MAGT1: variants seen among roughly 807,000 people sequenced by gnomAD.
The protein encoded by MAGT1 is dolichyl-diphosphooligosaccharide--protein glycosyltransferase subunit MAGT1.
In MAGT1, 4 loss-of-function variants were observed where a neutral mutation model predicts 28.4. That is an observed-to-expected ratio of 0.14 (90% CI 0.07 to 0.32). The LOEUF is 0.32. MAGT1 is among the 10% of genes least tolerant of loss of function. The pLI is 1.00. For synonymous variants in MAGT1, 89 were observed against 89.7 expected (o/e 0.99, Z 0.04); for missense variants, 193 against 264.5 (o/e 0.73, Z 1.88).
chrX:77,895,218 G>C, intron 1 of MAGT1, 91 bp downstream of exon 1: 2 of 994,043 alleles, frequency 2.0e-6, no homozygotes, highest in Non-Finnish European at 2.8e-6. Context: ...GCATAGAAGC[G>C]GCAGGGAAAG....
chrX:77,847,500 G>A (rs1557215113), intron 7 of MAGT1, among the ~76,000 whole-genome samples: 1 of 112,132 alleles, frequency 8.9e-6, no homozygotes. Flanking sequence ...TGGAAATGCA[G>A]AAATCACCCG....
At chrX:77,841,654 A>AAACAC (rs1332224851) in intron 7 of MAGT1, among the ~76,000 whole-genome samples, 2 of 109,488 alleles carry the variant, frequency 1.8e-5, no homozygotes, top group African/African-American at 3.3e-5. Flanking sequence ...CCCTGACCTC[A>AAACAC]AACACATTTA....
At chrX:77,867,795 C>A (rs2077011367) in intron 3 of MAGT1, among the ~76,000 whole-genome samples, 1 of 67,168 alleles carries the variant, frequency 1.5e-5, no homozygotes, top group African/African-American at 3.5e-5. Context: ...AGATCCTTCC[C>A]AGCTTTTGAA....
At chrX:77,871,234 G>A (rs1317111794) in intron 2 of MAGT1, among the ~76,000 whole-genome samples, 2 of 112,170 alleles carry the variant, frequency 1.8e-5, no homozygotes, top group African/African-American at 6.5e-5. Context: ...ATAGCTAATC[G>A]CCTCTACAAT....
intron 1 of MAGT1, among the ~76,000 whole-genome samples, chrX:77,886,431 G>A (rs887916438): frequency 1.8e-5 from 2 of 109,608 alleles, no homozygotes; most frequent in South Asian, 7.9e-4. Flanking sequence ...GTTCAAGACC[G>A]GCCTGGGCAA....
intron 8 of MAGT1, among the ~76,000 whole-genome samples, chrX:77,832,170 A>G (rs782575919): frequency 3.7e-4 from 41 of 111,916 alleles, no homozygotes; most frequent in African/African-American, 1.3e-3. Flanking sequence ...GTGAACTACA[A>G]ATACTAATCC....
rs1031904635 is a variant in MAGT1, at chrX:77,862,932, C to T, written c.391-5435G>A. The stretch of plus-strand genomic sequence containing the variant: ...CTATAATCCCAACACTTTGGGAGGC[C>T]GAGGCGGGTGGATCACCTGAGGTCA... On this transcript the variant is annotated intron_variant, in intron 3 of 9. Coordinates refer to ENST00000618282, the MANE Select transcript of MAGT1 (RefSeq NM_001367916.1). Among the ~76,000 whole-genome samples the T allele has an allele frequency of 3.6e-5, 4 of 110,925 alleles. No individual in the cohort carries two copies. In the East Asian group the frequency reaches 8.5e-4, roughly 23 times the overall value.
chrX:77,850,197 C>T (rs1421246593), intron 7 of MAGT1, among the ~76,000 whole-genome samples: 1 of 110,476 alleles, frequency 9.1e-6, no homozygotes, highest in Non-Finnish European at 1.9e-5. Context: ...AAGTGGGGGC[C>T]GGGTGAGGTG....
chrX:77,847,155 G>A (rs1002324503), intron 7 of MAGT1, among the ~76,000 whole-genome samples: 2 of 112,239 alleles, frequency 1.8e-5, no homozygotes, highest in Non-Finnish European at 3.8e-5. Flanking sequence ...CCCCAGCCTC[G>A]CTGCCGCCCT....
intron 8 of MAGT1, among the ~76,000 whole-genome samples, chrX:77,836,543 A>C (rs184946906): frequency 8.9e-6 from 1 of 112,225 alleles, no homozygotes; most frequent in Non-Finnish European, 1.9e-5. Context: ...AATTAAAAAT[A>C]AAATACTTTT....
intron 1 of MAGT1, among the ~76,000 whole-genome samples, chrX:77,876,163 T>G (rs1286889842): frequency 2.6e-4 from 6 of 23,525 alleles, no homozygotes; most frequent in Non-Finnish European, 4.1e-4. Context: ...TATATATATA[T>G]ATTTTTTTTT....
chrX:77,877,490 C>CA (rs1236196929), intron 1 of MAGT1, among the ~76,000 whole-genome samples: 93 of 94,221 alleles, frequency 9.9e-4, no homozygotes, highest in Middle Eastern at 6.0e-3. Context: ...GACACTGTCT[C>CA]AAAAAAAAAA....
intron 1 of MAGT1, among the ~76,000 whole-genome samples, chrX:77,893,637 T>C (rs1353251771): frequency 1.8e-5 from 2 of 112,457 alleles, no homozygotes; most frequent in African/African-American, 6.5e-5. Context: ...GGCTCACACC[T>C]GTAATCCCAA....
rs1360849294 is a variant in MAGT1, at chrX:77,838,131, T to C, written c.901+3115A>G. ...ATTGTTAGATTCTCTCTGCAACAGA[T>C]AACAATGTGTGAATATTCTAATATA... On this transcript the variant is annotated intron_variant, in intron 8 of 9. Transcript: ENST00000618282. Among the ~76,000 whole-genome samples the C allele has an allele frequency of 2.7e-5, 3 of 111,895 alleles. No individual in the cohort carries two copies. The Admixed American group carries it at 2.9e-4, about 11-fold the overall frequency.
chrX:77,894,251 T>C (rs1231684987), intron 1 of MAGT1, among the ~76,000 whole-genome samples: 1 of 112,292 alleles, frequency 8.9e-6, no homozygotes, highest in African/African-American at 3.2e-5. Flanking sequence ...TTGACAATTG[T>C]ATATTTTTAT....
At chrX:77,887,084 TTCTC>T (rs1442210604) in intron 1 of MAGT1, among the ~76,000 whole-genome samples, 14 of 111,130 alleles carry the variant, frequency 1.3e-4, no homozygotes, top group African/African-American at 4.2e-4. Flanking sequence ...ATTTCTTGTT[TTCTC>T]TCTCTCTCTT....
chrX:77,870,958 T>G (rs1473304521), intron 2 of MAGT1, 33 bp from the exon 3 acceptor site: 2 of 1,044,960 alleles, frequency 1.9e-6, no homozygotes, highest in Non-Finnish European at 2.7e-6. Flanking sequence ...AGATAACATA[T>G]AAAACAATTT....
rs781938947 is a variant in MAGT1, at chrX:77,857,096, A to G, written c.532-223T>C. ...ACCACAACATAACATCTTTTAGATT[A>G]AGAAGGATTTGCCAAGTACAACTAG... On this transcript the variant is annotated intron_variant, in intron 4 of 9. Transcript: ENST00000618282. Among the ~76,000 whole-genome samples, 5 of 112,056 alleles carry G rather than the reference A, an allele frequency of 4.5e-5. No homozygotes were observed. In the South Asian group the frequency reaches 1.8e-3, roughly 41 times the overall value.
intron 8 of MAGT1, among the ~76,000 whole-genome samples, chrX:77,836,879 G>C (rs782618169): frequency 1.8e-5 from 2 of 111,308 alleles, no homozygotes; most frequent in African/African-American, 3.3e-5. Context: ...CTGGGCGACA[G>C]AGTGAGACCC....
Sources: allele counts gnomAD v4.1 joint callset (sites outside exome capture counted in the v4.1 genomes callset), GRCh38; gene constraint gnomAD v4.1.1; transcripts MANE v1.5; gene names NCBI Gene and HGNC (gene_info 2026-07-23, HGNC 2026-07-21).